DCC: variants seen among roughly 807,000 people sequenced by gnomAD.
DCC encodes the protein netrin receptor DCC.
In DCC, 58 loss-of-function variants were observed where a neutral mutation model predicts 172.5. The ratio of observed to expected loss-of-function variants is 0.34; its 90% CI spans 0.27 to 0.42. DCC has a LOEUF of 0.42. Among genes scored for constraint, DCC ranks in the 10% least tolerant of loss-of-function variants. DCC has a pLI of 1.00. For missense variants in DCC, 1,740 were observed against 1,791.0 expected (o/e 0.97, Z 0.51); for synonymous variants, 709 against 644.5 (o/e 1.10, Z -1.52).
intron 2 of DCC, among the ~76,000 whole-genome samples, chr18:52,847,650 A>G (rs1355313844): frequency 2.0e-5 from 3 of 152,176 alleles, no homozygotes; most frequent in Non-Finnish European, 1.5e-5. Flanking sequence ...CAATTGGGTC[A>G]ATTCTTCAAT....
At chr18:52,758,878 T>C (rs1363022604) in intron 2 of DCC, 2 of 152,182 alleles carry the variant, frequency 1.3e-5, no homozygotes, top group Non-Finnish European at 2.9e-5. Context: ...ACGCTCAGAA[T>C]TCTATTTGGG....
At chr18:52,857,159 G>A (rs928333425) in intron 2 of DCC, among the ~76,000 whole-genome samples, 9 of 152,154 alleles carry the variant, frequency 5.9e-5, no homozygotes, top group Non-Finnish European at 2.9e-5. Context: ...TTCTTAAATA[G>A]ATTCAATACT....
intron 1 of DCC, among the ~76,000 whole-genome samples, chr18:52,681,048 T>C (rs1363436534): frequency 1.3e-5 from 2 of 152,094 alleles, no homozygotes; most frequent in Non-Finnish European, 2.9e-5. Context: ...ATTTATTAAG[T>C]GCTTACTCTA....
chr18:52,594,836 C>A (rs1178105703), intron 1 of DCC, among the ~76,000 whole-genome samples: 1 of 152,152 alleles, frequency 6.6e-6, no homozygotes, highest in Non-Finnish European at 1.5e-5. Context: ...AGGACAGCAC[C>A]AAGCCATGAG....
intron 2 of DCC, among the ~76,000 whole-genome samples, chr18:52,800,114 G>A (rs2037956924): frequency 6.6e-6 from 1 of 152,130 alleles, no homozygotes; most frequent in Non-Finnish European, 1.5e-5. Context: ...TTCTTGTGGT[G>A]TTCAGTGAAT....
intron 23 of DCC, among the ~76,000 whole-genome samples, chr18:53,451,878 G>A (rs1314766857): frequency 6.6e-6 from 1 of 152,182 alleles, no homozygotes; most frequent in Admixed American, 6.5e-5. Flanking sequence ...AACATGGGGT[G>A]TAGATGCAGG....
intron 1 of DCC, among the ~76,000 whole-genome samples, chr18:52,560,981 T>C (rs1226298035): frequency 6.6e-6 from 1 of 152,208 alleles, no homozygotes; most frequent in Non-Finnish European, 1.5e-5. Flanking sequence ...TTCATGATGC[T>C]AACCATTTGG....
In DCC at chr18:53,402,840, G is replaced by C. The variant is rs776722332; in HGVS notation, c.2882G>C (p.Arg961Pro). The C allele has an allele frequency of 1.2e-6, 2 of 1,614,036 alleles. No individual in the cohort carries two copies. Among genetic ancestry groups the C allele is most frequent in the East Asian group, 2.2e-5 (1 of 44,870 alleles). ...LTVITREGKP[R>P]AVIVSWQPPL... ...GTCATTACTAGGGAAGGGAAGCCTCGTGCCGTCATTGTGAGTTGGCAGCCT... is the reference window on the plus strand; with the variant it reads ...GTCATTACTAGGGAAGGGAAGCCTCCTGCCGTCATTGTGAGTTGGCAGCCT... The change falls in exon 19 of 29, where the codon CGT (arginine) becomes CCT (proline). Residue 961 changes from arginine (R) to proline (P), a missense_variant. Coordinates refer to ENST00000442544, the MANE Select transcript of DCC (RefSeq NM_005215.4).
chr18:53,507,864 C>A (rs907579153), intron 27 of DCC, among the ~76,000 whole-genome samples: 2 of 150,144 alleles, frequency 1.3e-5, no homozygotes, highest in Admixed American at 6.6e-5. Context: ...CTGAGGTCAC[C>A]TGAGTAAGAA....
intron 2 of DCC, among the ~76,000 whole-genome samples, chr18:52,824,901 CAG>C (rs2038481904): frequency 2.0e-5 from 3 of 152,108 alleles, no homozygotes; most frequent in African/African-American, 2.4e-5. Context: ...ACCCAGGACA[CAG>C]AGGTTGCAGT....
At chr18:53,015,630 CATT>C (rs1200401334) in intron 5 of DCC, among the ~76,000 whole-genome samples, 5 of 152,066 alleles carry the variant, frequency 3.3e-5, no homozygotes, top group Admixed American at 6.6e-5. Context: ...TACGTACAAA[CATT>C]ATGTTTACAA....
intron 12 of DCC, among the ~76,000 whole-genome samples, chr18:53,254,287 A>T (rs2144664683): frequency 6.6e-6 from 1 of 152,192 alleles, no homozygotes; most frequent in South Asian, 2.1e-4. Flanking sequence ...AGCACACTTG[A>T]AAGAAGATAA....
At chr18:52,461,515 G>T (rs1193438389) in intron 1 of DCC, among the ~76,000 whole-genome samples, 2 of 152,108 alleles carry the variant, frequency 1.3e-5, no homozygotes, top group Non-Finnish European at 2.9e-5. Context: ...GTATGTGCTA[G>T]ATTTTATATG....
chr18:53,146,042 G>A (rs1438441745), intron 7 of DCC, among the ~76,000 whole-genome samples: 1 of 152,032 alleles, frequency 6.6e-6, no homozygotes, highest in African/African-American at 2.4e-5. Flanking sequence ...GACCAGCCTG[G>A]CCAACATGAT....
At chr18:52,924,748 G>C (rs1316347104) in intron 4 of DCC, among the ~76,000 whole-genome samples, 1 of 151,932 alleles carries the variant, frequency 6.6e-6, no homozygotes, top group African/African-American at 2.4e-5. Flanking sequence ...CAGTATTTTT[G>C]AGAACATTAG....
intron 8 of DCC, among the ~76,000 whole-genome samples, chr18:53,178,220 A>G (rs2055138709): frequency 6.6e-6 from 1 of 152,224 alleles, no homozygotes; most frequent in African/African-American, 2.4e-5. Context: ...AAATGTCAGC[A>G]TCCATATCCA....
intron 27 of DCC, among the ~76,000 whole-genome samples, chr18:53,501,847 A>ATGAT (rs770843698): frequency 6.6e-6 from 1 of 151,656 alleles, no homozygotes; most frequent in Non-Finnish European, 1.5e-5. Context: ...AGAAGATTTG[A>ATGAT]TGATAGATGG....
At chr18:52,594,290 T>A (rs1336791187) in intron 1 of DCC, among the ~76,000 whole-genome samples, 2 of 152,214 alleles carry the variant, frequency 1.3e-5, no homozygotes, top group African/African-American at 2.4e-5. Context: ...TCATTAGTAT[T>A]ATTCAGATCA....
chr18:52,848,293 GC>G lies in DCC; in HGVS notation c.413-57749del, dbSNP rs545879019. 4.6e-5 allele frequency among the ~76,000 whole-genome samples: 7 copies of G among 151,984 alleles called. No individual in the cohort carries two copies. In the East Asian group the frequency reaches 7.8e-4, roughly 17 times the overall value. The stretch of plus-strand genomic sequence containing the variant: ...GTAAAGATGGGGTTTTGCCATGTTG[GC>G]CAGGCTAGTCTCAAACTTCTGACCC... On this transcript the variant is annotated intron_variant, in intron 2 of 28. Transcript: ENST00000442544.
Sources: allele counts gnomAD v4.1 joint callset (sites outside exome capture counted in the v4.1 genomes callset), GRCh38; gene constraint gnomAD v4.1.1; transcripts MANE v1.5; gene names NCBI Gene and HGNC (gene_info 2026-07-23, HGNC 2026-07-21).